Variants in COL6A5 observed in about 807,000 individuals in gnomAD.
The protein encoded by COL6A5 is collagen type VI alpha 5 chain, also known as collagen alpha-5(VI) chain.
Under a neutral mutation model 65.6 loss-of-function variants are expected in COL6A5, and 48 were observed. The observed-to-expected ratio is 0.73, with a 90% CI of 0.58 to 0.93. The LOEUF (loss-of-function observed/expected upper bound fraction) is 0.93. Ranked by LOEUF, COL6A5 falls within the 40% of genes least tolerant of loss-of-function variation. The pLI is 0.00. For synonymous variants in COL6A5, 291 were observed against 322.8 expected (o/e 0.90, Z 1.05); for missense variants, 914 against 928.3 (o/e 0.98, Z 0.20).
At chr3:130,443,537 A>T (rs905483373) in exon 4 of COL6A5, 2 of 1,610,884 alleles carry the variant, frequency 1.2e-6, no homozygotes, top group African/African-American at 2.7e-5. Context: ...TCAATTTAGG[A>T]GGAGAGAATA....
chr3:130,422,744 C>A (rs1272510930), exon 28 of COL6A5: 10 of 1,527,894 alleles, frequency 6.5e-6, no homozygotes, highest in Non-Finnish European at 7.9e-6. Context: ...TCCTGGAATT[C>A]CTGGGGGACC....
At chr3:130,379,824 G>A (rs965535228) in exon 4 of COL6A5, 45 of 1,551,218 alleles carry the variant, frequency 2.9e-5, no homozygotes, top group East Asian at 1.5e-4. Context: ...ATGATGCTGC[G>A]CTGAACCTTC....
At chr3:130,353,579 T>C (rs535113158) in intron 1 of COL6A5, among the ~76,000 whole-genome samples, 2 of 151,822 alleles carry the variant, frequency 1.3e-5, no homozygotes, top group Admixed American at 6.6e-5. Flanking sequence ...TTGTGAAAAA[T>C]AGAGTTTTGA....
chr3:130,452,681 C>A (rs377669270), intron 4 of COL6A5, among the ~76,000 whole-genome samples: 1 of 152,120 alleles, frequency 6.6e-6, no homozygotes, highest in Non-Finnish European at 1.5e-5. Flanking sequence ...CGGGCACCAT[C>A]GTCATTGATA....
intron 7 of COL6A5, among the ~76,000 whole-genome samples, chr3:130,478,057 G>A (rs961724065): frequency 6.6e-6 from 1 of 151,982 alleles, no homozygotes; most frequent in African/African-American, 2.4e-5. Flanking sequence ...TGCAATTACT[G>A]GTCATGTGAT....
intron 1 of COL6A5, among the ~76,000 whole-genome samples, chr3:130,436,126 C>T (rs1285235166): frequency 6.6e-6 from 1 of 151,954 alleles, no homozygotes; most frequent in Non-Finnish European, 1.5e-5. Flanking sequence ...TGATTTTTCT[C>T]TGTAGAGTAT....
chr3:130,462,183 G>A (rs1709717717), intron 5 of COL6A5, among the ~76,000 whole-genome samples: 1 of 152,070 alleles, frequency 6.6e-6, no homozygotes, highest in Non-Finnish European at 1.5e-5. Context: ...ACATATTTGT[G>A]CCTGCCTCCT....
chr3:130,414,359 G>A lies in COL6A5; in HGVS notation c.4761+228G>A, dbSNP rs1222815355. 4.6e-5 allele frequency among the ~76,000 whole-genome samples: 7 copies of A among 152,062 alleles called. No individual in the cohort carries two copies. In the South Asian group the frequency reaches 1.0e-3, roughly 23 times the overall value. On this transcript the variant is annotated intron_variant and NMD_transcript_variant, in intron 22 of 41. Transcript: ENST00000312481. The stretch of plus-strand genomic sequence containing the variant: ...AAAGATGTGCTCTTGTGCTCACCTG[G>A]TATTGTGTCTTCTTATTAGTAATAG...
chr3:130,388,950 G>T (rs1345551453), exon 6 of COL6A5: 1 of 1,547,114 alleles, frequency 6.5e-7, no homozygotes, highest in African/African-American at 1.4e-5. Context: ...AGGATGATGT[G>T]AGAGATCCTG....
At chr3:130,411,360 T>C (rs1302448195) in intron 20 of COL6A5, among the ~76,000 whole-genome samples, 1 of 152,238 alleles carries the variant, frequency 6.6e-6, no homozygotes. Flanking sequence ...CAAGAAGGAA[T>C]TGAAAATGCT....
exon 9 of COL6A5, chr3:130,397,865 C>T: frequency 6.4e-7 from 1 of 1,551,682 alleles, no homozygotes; most frequent in South Asian, 1.2e-5. Flanking sequence ...CATCTGAACG[C>T]ACAGTTCTTG....
chr3:130,408,156 G>C (rs1371557241), intron 17 of COL6A5, among the ~76,000 whole-genome samples: 1 of 152,088 alleles, frequency 6.6e-6, no homozygotes, highest in Non-Finnish European at 1.5e-5. Context: ...TGCCTGCGGG[G>C]CCGGACAGAA....
rs755099634 is a variant in COL6A5 at position 130,397,662 on chromosome 3, G to T, written c.3648G>T (p.Gln1216His). The T allele has an allele frequency of 1.3e-6, 2 of 1,550,026 alleles. No homozygotes were observed. Among genetic ancestry groups the T allele is most frequent in the East Asian group, 4.9e-5 (2 of 40,920 alleles). Residue 1216 changes from glutamine to histidine, a missense_variant and NMD_transcript_variant, in exon 9 of 42, where the codon CAG becomes CAT. Coordinates refer to the COL6A5 transcript ENST00000312481. ...AGCCTTTGTTCCAGGGCCACCCCCA[G>T]CTGGAATCCTACCTCCCAGGCATCT... is the stretch of plus-strand genomic sequence containing the variant.
At chr3:130,421,339 C>T (rs1937514196) in exon 27 of COL6A5, 2 of 1,550,466 alleles carry the variant, frequency 1.3e-6, no homozygotes, top group South Asian at 1.2e-5. Context: ...CAAGAGGATT[C>T]CCTGGAGATG....
chr3:130,413,830 G>T lies in COL6A5; in HGVS notation c.4699-239G>T, dbSNP rs2403346. 0.61 allele frequency among the ~76,000 whole-genome samples: 91,829 copies of T among 151,080 alleles called. 30,561 individuals carry two copies. Among genetic ancestry groups the T allele is most frequent in the Non-Finnish European group, 0.75 (50,430 of 67,516 alleles). On this transcript the variant is annotated intron_variant and NMD_transcript_variant, in intron 21 of 41. Coordinates refer to the COL6A5 transcript ENST00000312481. ...GTGCAATTCCAAATATTGTGCATTT[G>T]ACTGCTCTTCATGTGCTTTGGGAAT...
chr3:130,442,588 G>T (rs992303441), intron 3 of COL6A5, among the ~76,000 whole-genome samples: 1 of 152,036 alleles, frequency 6.6e-6, no homozygotes, highest in Non-Finnish European at 1.5e-5. Flanking sequence ...GAGTGAAAAG[G>T]CTCCTCTGCT....
At chr3:130,406,347 AAAG>A (rs1378794298) in intron 17 of COL6A5, 26 bp downstream of exon 17, 1 of 1,520,528 alleles carries the variant, frequency 6.6e-7, no homozygotes, top group Non-Finnish European at 8.9e-7. Context: ...TCAATACTTC[AAAG>A]AAGGAGAATT....
chr3:130,406,173 G>T (rs1251967490), exon 16 of COL6A5: 2 of 1,550,600 alleles, frequency 1.3e-6, no homozygotes, highest in South Asian at 2.4e-5. Flanking sequence ...TGATGGGGAA[G>T]AGGTAAGCCA....
intron 8 of COL6A5, among the ~76,000 whole-genome samples, chr3:130,395,907 A>G (rs201499429): frequency 6.7e-6 from 1 of 149,420 alleles, no homozygotes; most frequent in Non-Finnish European, 1.5e-5. Context: ...GTGTGTGTGT[A>G]TGTGTGTGTG....
Sources: gnomAD v4.1 joint callset for allele counts (sites outside exome capture counted in the v4.1 genomes callset) on GRCh38, gnomAD v4.1.1 for gene constraint, MANE v1.5 for transcripts, NCBI Gene and HGNC (gene_info 2026-07-23, HGNC 2026-07-21) for gene names.